Variants in GPC6 observed in about 807,000 individuals in gnomAD.
The protein encoded by GPC6 is glypican 6, also known as glypican-6.
Under a neutral mutation model 55.2 loss-of-function variants are expected in GPC6, and 14 were observed. That is an observed-to-expected ratio of 0.25 (90% CI 0.17 to 0.40). GPC6 has a LOEUF of 0.40. GPC6 is among the 10% of genes least tolerant of loss of function. The pLI, the probability that GPC6 is intolerant of heterozygous loss-of-function variation, is 1.00. For missense variants in GPC6, 641 were observed against 708.5 expected (o/e 0.90, Z 1.08); for synonymous variants, 278 against 259.6 (o/e 1.07, Z -0.68).
chr13:93,635,408 T>C (rs1249259913), intron 2 of GPC6, among the ~76,000 whole-genome samples: 2 of 152,068 alleles, frequency 1.3e-5, no homozygotes, highest in East Asian at 3.9e-4. Flanking sequence ...TGAAGGCCAG[T>C]GTTGATATGG....
chr13:93,979,257 T>C (rs1479649709), intron 3 of GPC6, among the ~76,000 whole-genome samples: 2 of 150,586 alleles, frequency 1.3e-5, no homozygotes, highest in African/African-American at 2.4e-5. Flanking sequence ...GGCCTCCATA[T>C]TGGACAGCAC....
intron 1 of GPC6, among the ~76,000 whole-genome samples, chr13:93,251,368 C>G (rs1876781264): frequency 6.6e-6 from 1 of 152,044 alleles, no homozygotes; most frequent in African/African-American, 2.4e-5. Flanking sequence ...GAGGTGGAAA[C>G]CTATAAGGAA....
intron 1 of GPC6, among the ~76,000 whole-genome samples, chr13:93,507,953 A>G (rs532645659): frequency 1.3e-5 from 2 of 152,334 alleles, no homozygotes; most frequent in South Asian, 2.1e-4. Context: ...AAGAAATCTA[A>G]TATTTATTTA....
At chr13:94,112,521 T>G (rs970620395) in intron 4 of GPC6, among the ~76,000 whole-genome samples, 4 of 152,166 alleles carry the variant, frequency 2.6e-5, no homozygotes, top group Non-Finnish European at 4.4e-5. Context: ...TTACACACTT[T>G]GGGTCCAAGT....
chr13:94,014,569 T>C (rs1882384455), intron 3 of GPC6, among the ~76,000 whole-genome samples: 1 of 152,156 alleles, frequency 6.6e-6, no homozygotes, highest in South Asian at 2.1e-4. Context: ...GCCAAGTTTT[T>C]AGTATATTTA....
At chr13:94,006,755 G>T (rs571612659) in intron 3 of GPC6, among the ~76,000 whole-genome samples, 1 of 152,158 alleles carries the variant, frequency 6.6e-6, no homozygotes, top group South Asian at 2.1e-4. Context: ...TCTCATTTCC[G>T]TTTCCAGAGA....
chr13:93,853,754 A>G (rs1459965157), intron 3 of GPC6, among the ~76,000 whole-genome samples: 1 of 151,566 alleles, frequency 6.6e-6, no homozygotes, highest in Non-Finnish European at 1.5e-5. Flanking sequence ...TGTTTTCTGA[A>G]TTTCTTTACT....
chr13:93,352,682 A>T (rs1478950300), intron 1 of GPC6, among the ~76,000 whole-genome samples: 1 of 152,098 alleles, frequency 6.6e-6, no homozygotes, highest in Non-Finnish European at 1.5e-5. Flanking sequence ...AAGAGAATTT[A>T]TAGAGAGGTA....
At chr13:93,740,064 A>G (rs17189194) in intron 2 of GPC6, among the ~76,000 whole-genome samples, 3,796 of 152,226 alleles carry the variant, frequency 0.025, 64 homozygotes, top group Middle Eastern at 0.048. Flanking sequence ...TTGGGACTTC[A>G]CCATCCCCTT....
At chr13:94,218,548 A>T (rs1189315740) in intron 4 of GPC6, among the ~76,000 whole-genome samples, 1 of 152,092 alleles carries the variant, frequency 6.6e-6, no homozygotes, top group African/African-American at 2.4e-5. Flanking sequence ...CTACTTGTTA[A>T]ATTGTTTTTT....
chr13:94,154,495 C>T (rs1395904930), intron 4 of GPC6: 1 of 152,182 alleles, frequency 6.6e-6, no homozygotes, highest in Non-Finnish European at 1.5e-5. Flanking sequence ...CCTTCCTCCC[C>T]TCCACTGGGG....
At chr13:94,133,000 G>A (rs1252755266) in intron 4 of GPC6, among the ~76,000 whole-genome samples, 3 of 151,864 alleles carry the variant, frequency 2.0e-5, no homozygotes, top group Non-Finnish European at 4.4e-5. Context: ...GTTCCTGTAT[G>A]GCCATTGTAA....
intron 7 of GPC6, 63 bp from the exon 8 acceptor site, chr13:94,398,403 G>A: frequency 8.2e-7 from 1 of 1,216,460 alleles, no homozygotes; most frequent in Non-Finnish European, 1.2e-6. Flanking sequence ...TTGCATGGCA[G>A]CATCTGGTTT....
intron 1 of GPC6, among the ~76,000 whole-genome samples, chr13:93,280,343 C>G (rs1212301168): frequency 2.6e-5 from 4 of 151,972 alleles, no homozygotes; most frequent in Admixed American, 2.0e-4. Flanking sequence ...AGGTTTTTAC[C>G]CAAGGTTTTT....
intron 4 of GPC6, among the ~76,000 whole-genome samples, chr13:94,144,404 A>AACACACACACACAC (rs59772537): frequency 1.8e-4 from 26 of 143,434 alleles, no homozygotes; most frequent in South Asian, 7.2e-4. Flanking sequence ...GTGCTTTTAA[A>AACACACACACACAC]ACACACACAC....
rs1017775348 is a variant in GPC6, at chr13:94,034,124, A to G, written c.877+6230A>G. 3.3e-5 allele frequency among the ~76,000 whole-genome samples: 5 copies of G among 151,878 alleles called. No individual in the cohort carries two copies. In the East Asian group the frequency reaches 7.7e-4, roughly 24 times the overall value. On this transcript the variant is annotated intron_variant, in intron 4 of 8. Coordinates refer to ENST00000377047, the MANE Select transcript of GPC6 (RefSeq NM_005708.5). ...TATTTCTCATTTCTTGTGGGCATTT[A>G]TCATATGTTGTGTTCTCATGTAATG...
At chr13:93,346,157 T>A (rs764701252) in intron 1 of GPC6, among the ~76,000 whole-genome samples, 8 of 152,186 alleles carry the variant, frequency 5.3e-5, no homozygotes, top group African/African-American at 1.9e-4. Flanking sequence ...CAGTTCATTT[T>A]TTTTTCATTA....
chr13:93,534,119 A>T (rs1239763266), intron 1 of GPC6, among the ~76,000 whole-genome samples: 1 of 152,106 alleles, frequency 6.6e-6, no homozygotes, highest in African/African-American at 2.4e-5. Flanking sequence ...AACCCAAAAT[A>T]AGTAAAAGCA....
chr13:94,309,066 T>G (rs1876103476), intron 6 of GPC6, among the ~76,000 whole-genome samples: 1 of 152,208 alleles, frequency 6.6e-6, no homozygotes, highest in Admixed American at 6.5e-5. Context: ...TCATATTACC[T>G]ACTCCTGTTT....
Sources: allele counts gnomAD v4.1 joint callset (sites outside exome capture counted in the v4.1 genomes callset), GRCh38; gene constraint gnomAD v4.1.1; transcripts MANE v1.5; gene names NCBI Gene and HGNC (gene_info 2026-07-23, HGNC 2026-07-21).